Variants in PSMD9 observed in about 807,000 individuals in gnomAD.
The protein encoded by PSMD9 is 26S proteasome non-ATPase regulatory subunit 9.
In PSMD9, 26 loss-of-function variants were observed where a neutral mutation model predicts 25.9. The observed-to-expected ratio is 1.00, with a 90% confidence interval of 0.73 to 1.39. PSMD9 has a LOEUF of 1.39. Among genes scored for constraint, PSMD9 ranks in the 40% most tolerant of loss-of-function variants. The pLI, the probability that PSMD9 is intolerant of heterozygous loss-of-function variation, is 0.00. For synonymous variants in PSMD9, 110 were observed against 114.5 expected (o/e 0.96, Z 0.25); for missense variants, 303 against 299.3 (o/e 1.01, Z -0.09).
chr12:121,898,362 C>A (rs1186298426), intron 2 of PSMD9: 1 of 152,150 alleles, frequency 6.6e-6, no homozygotes, highest in East Asian at 1.9e-4. Flanking sequence ...CAGAGAATTT[C>A]ACTTCAAAGA....
At chr12:121,893,020 G>T (rs574743680) in intron 1 of PSMD9, among the ~76,000 whole-genome samples, 1 of 152,304 alleles carries the variant, frequency 6.6e-6, no homozygotes, top group South Asian at 2.1e-4. Context: ...AGCACCAAAT[G>T]GACACTTTTG....
At chr12:121,894,916 A>G in intron 2 of PSMD9, 75 bp downstream of exon 2, 6 of 1,204,352 alleles carry the variant, frequency 5.0e-6, no homozygotes, top group South Asian at 1.3e-5. Flanking sequence ...AAAACCAACT[A>G]TCTGTATTAT....
intron 4 of PSMD9, among the ~76,000 whole-genome samples, chr12:121,913,093 A>T (rs573695169): frequency 9.9e-5 from 15 of 151,796 alleles, no homozygotes; most frequent in South Asian, 4.2e-4. Context: ...TCCACCACCA[A>T]GCCTGGCTAA....
At chr12:121,893,328 G>C (rs967278319) in intron 1 of PSMD9, among the ~76,000 whole-genome samples, 2 of 152,174 alleles carry the variant, frequency 1.3e-5, no homozygotes, top group African/African-American at 4.8e-5. Flanking sequence ...GTGTAACCCG[G>C]AGGCTTCCAG....
chr12:121,892,165 T>C (rs971304419), intron 1 of PSMD9, among the ~76,000 whole-genome samples: 1 of 152,190 alleles, frequency 6.6e-6, no homozygotes, highest in Non-Finnish European at 1.5e-5. Flanking sequence ...GGATAGTATC[T>C]AGACTATAAT....
intron 1 of PSMD9, 30 bp downstream of exon 1, chr12:121,889,024 G>T: frequency 1.3e-6 from 2 of 1,561,876 alleles, no homozygotes; most frequent in Admixed American, 3.9e-5. Context: ...GCCCCAAGTC[G>T]CCTAACCCGG....
rs778204603 is a variant in PSMD9 at position 121,915,881 on chromosome 12, G to A, written c.581G>A (p.Arg194His). Reference protein sequence around the residue: ...EGKPLNVTVIRRGEKHQLRLV... With the variant: ...EGKPLNVTVIHRGEKHQLRLV... Reference sequence around the variant, plus strand: ...AAGCCCCTGAATGTGACAGTGATCCGCAGGGGGGAAAAACACCAGCTTAGA... The same window carrying A: ...AAGCCCCTGAATGTGACAGTGATCCACAGGGGGGAAAAACACCAGCTTAGA... Residue 194 changes from arginine to histidine, a missense_variant, in exon 5 of 6, where the codon CGC becomes CAC. Physicochemically the swap from Arg to His is conservative, Grantham distance 29. Coordinates refer to ENST00000541212, the MANE Select transcript of PSMD9 (RefSeq NM_002813.7). 1.9e-5 allele frequency: 30 copies of A among 1,613,540 alleles called. No homozygotes were observed. Among genetic ancestry groups the A allele is most frequent in the Middle Eastern group, 1.6e-4 (1 of 6,078 alleles).
chr12:121,903,369 C>T (rs1356735511), intron 4 of PSMD9, among the ~76,000 whole-genome samples: 9 of 152,068 alleles, frequency 5.9e-5, no homozygotes, highest in African/African-American at 1.7e-4. Context: ...CCAGTGGGGG[C>T]GCCACCCCTC....
chr12:121,893,298 G>A (rs900395621), intron 1 of PSMD9, among the ~76,000 whole-genome samples: 2 of 152,158 alleles, frequency 1.3e-5, no homozygotes, highest in South Asian at 2.1e-4. Flanking sequence ...ATCTCCCTGC[G>A]CAGTGGACAG....
intron 4 of PSMD9, among the ~76,000 whole-genome samples, chr12:121,909,274 A>T (rs1879647235): frequency 6.6e-6 from 1 of 151,070 alleles, no homozygotes; most frequent in Non-Finnish European, 1.5e-5. Flanking sequence ...TGTCCCTCAC[A>T]CAGTTTCCAC....
rs763879805 is a variant in PSMD9, at chr12:121,903,003, C to T, written c.454-3C>T. On this transcript the variant is annotated splice_polypyrimidine_tract_variant and splice_region_variant and intron_variant, in intron 3 of 5. Transcript: ENST00000541212. Reference sequence around the variant, plus strand: ...GATTTTCCATTTTTCCTTCCCTCTCCAGGGTCTGCAAGTGGATGATGAGAT... The same window carrying T: ...GATTTTCCATTTTTCCTTCCCTCTCTAGGGTCTGCAAGTGGATGATGAGAT... 1 of 1,613,396 alleles carries T rather than the reference C, an allele frequency of 6.2e-7. No individual in the cohort carries two copies. Among genetic ancestry groups the T allele is most frequent in the Admixed American group, 1.7e-5 (1 of 59,992 alleles).
chr12:121,911,648 C>T (rs955218103), intron 4 of PSMD9, among the ~76,000 whole-genome samples: 1 of 148,682 alleles, frequency 6.7e-6, no homozygotes, highest in African/African-American at 2.5e-5. Context: ...TTTTTAACTT[C>T]AATATATGAA....
intron 3 of PSMD9, among the ~76,000 whole-genome samples, chr12:121,900,464 G>A (rs1178747796): frequency 1.3e-5 from 2 of 152,008 alleles, no homozygotes; most frequent in South Asian, 2.1e-4. Flanking sequence ...GCCGAGGCCA[G>A]TGGATCACTT....
chr12:121,903,621 C>T (rs1404253227), intron 4 of PSMD9, among the ~76,000 whole-genome samples: 1 of 152,096 alleles, frequency 6.6e-6, no homozygotes, highest in East Asian at 1.9e-4. Flanking sequence ...AATGCTCTTC[C>T]TCTTCATCCT....
At chr12:121,900,522 C>G (rs1435800679) in intron 3 of PSMD9, among the ~76,000 whole-genome samples, 1 of 149,764 alleles carries the variant, frequency 6.7e-6, no homozygotes, top group Non-Finnish European at 1.5e-5. Flanking sequence ...GAAACCCCGT[C>G]TCTACTAAAA....
chr12:121,892,063 A>C (rs1879100374), intron 1 of PSMD9, among the ~76,000 whole-genome samples: 1 of 152,208 alleles, frequency 6.6e-6, no homozygotes, highest in Non-Finnish European at 1.5e-5. Context: ...GTTGGACTTC[A>C]ACTTTAAAAC....
intron 1 of PSMD9, chr12:121,894,522 C>G: frequency 3.8e-6 from 2 of 520,570 alleles, no homozygotes; most frequent in Non-Finnish European, 7.0e-6. Flanking sequence ...TGGATTCATG[C>G]ATTACTTGCG....
intron 4 of PSMD9, among the ~76,000 whole-genome samples, chr12:121,909,074 G>A (rs1318922767): frequency 6.6e-6 from 1 of 152,110 alleles, no homozygotes; most frequent in Non-Finnish European, 1.5e-5. Flanking sequence ...AGATTGGAGG[G>A]TGACAGAGCT....
chr12:121,892,302 G>T (rs1214339403), intron 1 of PSMD9, among the ~76,000 whole-genome samples: 1 of 152,182 alleles, frequency 6.6e-6, no homozygotes, highest in Non-Finnish European at 1.5e-5. Flanking sequence ...GGTGGCTCAT[G>T]CCTGTAATCC....
Sources: gnomAD v4.1 joint callset for allele counts (sites outside exome capture counted in the v4.1 genomes callset) on GRCh38, gnomAD v4.1.1 for gene constraint, MANE v1.5 for transcripts, NCBI Gene and HGNC (gene_info 2026-07-23, HGNC 2026-07-21) for gene names.